The following AFG2A variants were observed in gnomAD, a reference collection of about 807,000 sequenced individuals.
AFG2A encodes the protein ATPase family gene 2 protein homolog A.
chr4:122,942,062 A>G, the AFG2A span, among the ~76,000 whole-genome samples: 2 of 151,804 alleles, frequency 1.3e-5, no homozygotes, highest in Non-Finnish European at 1.5e-5. Context: ...TTTTTGCATC[A>G]ATGTTCATCA....
At chr4:122,940,412 T>G in the AFG2A span, among the ~76,000 whole-genome samples, 2 of 152,380 alleles carry the variant, frequency 1.3e-5, no homozygotes, top group East Asian at 3.9e-4. Flanking sequence ...ATGTGTCTTT[T>G]GACTGCATAA....
At chr4:123,115,492 G>T in the AFG2A span, among the ~76,000 whole-genome samples, 5 of 152,062 alleles carry the variant, frequency 3.3e-5, no homozygotes, top group Non-Finnish European at 5.9e-5. Flanking sequence ...CCCACTGTGC[G>T]TTCAGGCCCA....
At chr4:123,314,180 C>G in the AFG2A span, 1 of 827,104 alleles carries the variant, frequency 1.2e-6, no homozygotes, top group Non-Finnish European at 1.7e-6. Context: ...GAAGTATGTT[C>G]AGTAGAATTT....
the AFG2A span, among the ~76,000 whole-genome samples, chr4:123,241,195 C>T: frequency 6.6e-6 from 1 of 152,314 alleles, no homozygotes; most frequent in Admixed American, 6.5e-5. Context: ...CCAAATTCTA[C>T]CATAGGTACA....
chr4:123,107,856 A>T, the AFG2A span, among the ~76,000 whole-genome samples: 1 of 152,180 alleles, frequency 6.6e-6, no homozygotes, highest in African/African-American at 2.4e-5. Flanking sequence ...TTGAGTTGTG[A>T]CAGCACCCAG....
chr4:122,932,433 T>G, the AFG2A span, among the ~76,000 whole-genome samples: 1 of 152,016 alleles, frequency 6.6e-6, no homozygotes, highest in Non-Finnish European at 1.5e-5. Flanking sequence ...GCTCAAGCGG[T>G]CCACCCACCT....
At chr4:123,066,308 G>A in the AFG2A span, among the ~76,000 whole-genome samples, 1 of 152,018 alleles carries the variant, frequency 6.6e-6, no homozygotes, top group African/African-American at 2.4e-5. Context: ...ATTTTTGTAG[G>A]CATCATTTCT....
chr4:122,986,485 A>G, the AFG2A span, among the ~76,000 whole-genome samples: 1 of 152,162 alleles, frequency 6.6e-6, no homozygotes, highest in African/African-American at 2.4e-5. Context: ...TTTTAAGTGA[A>G]GTAACTCAGG....
chr4:122,935,596 G>A, the AFG2A span: 1 of 1,222,786 alleles, frequency 8.2e-7, no homozygotes, highest in African/African-American at 1.5e-5. Flanking sequence ...AAAAACTCTT[G>A]ACTCTTTTTG....
the AFG2A span, among the ~76,000 whole-genome samples, chr4:123,159,017 G>A: frequency 6.6e-6 from 1 of 152,192 alleles, no homozygotes; most frequent in African/African-American, 2.4e-5. Flanking sequence ...ATTTTCAGAT[G>A]AGGTTAACAT....
the AFG2A span, among the ~76,000 whole-genome samples, chr4:123,220,043 G>C: frequency 6.6e-6 from 1 of 151,792 alleles, no homozygotes; most frequent in Non-Finnish European, 1.5e-5. Flanking sequence ...CTAATTTTTT[G>C]TATTTTTAGT....
the AFG2A span, among the ~76,000 whole-genome samples, chr4:123,292,602 G>A: frequency 1.8e-4 from 27 of 152,288 alleles, no homozygotes; most frequent in East Asian, 3.1e-3. Context: ...CTTAGGCTCT[G>A]AGTGCTTTCA....
the AFG2A span, chr4:122,936,284 T>G: frequency 2.1e-6 from 1 of 482,122 alleles, no homozygotes; most frequent in Non-Finnish European, 3.5e-6. Flanking sequence ...AGAAGTAGAT[T>G]ATAGATCTAA....
chr4:123,210,489 G>T, the AFG2A span, among the ~76,000 whole-genome samples: 1 of 151,976 alleles, frequency 6.6e-6, no homozygotes, highest in Non-Finnish European at 1.5e-5. Flanking sequence ...TGTCCTCCAG[G>T]GTCATCCATG....
At chr4:123,116,551 T>C in the AFG2A span, among the ~76,000 whole-genome samples, 2 of 152,202 alleles carry the variant, frequency 1.3e-5, no homozygotes, top group African/African-American at 4.8e-5. Context: ...TGAAACATTG[T>C]TAGCCCAAGT....
the AFG2A span, among the ~76,000 whole-genome samples, chr4:123,100,634 C>T: frequency 6.6e-6 from 1 of 151,856 alleles, no homozygotes; most frequent in Non-Finnish European, 1.5e-5. Context: ...CTTGCTTCTC[C>T]TAATGCATTC....
the AFG2A span, among the ~76,000 whole-genome samples, chr4:123,047,255 C>A: frequency 2.0e-5 from 3 of 152,152 alleles, no homozygotes; most frequent in African/African-American, 7.2e-5. Flanking sequence ...TCTTCTCCAG[C>A]ATTTCTTATT....
chr4:123,069,463 C>T, the AFG2A span, among the ~76,000 whole-genome samples: 1 of 152,034 alleles, frequency 6.6e-6, no homozygotes, highest in African/African-American at 2.4e-5. Flanking sequence ...TCTTCCCAAA[C>T]AAAAGCTGAG....
At chr4:123,257,802 A>G in the AFG2A span, among the ~76,000 whole-genome samples, 748 of 152,320 alleles carry the variant, frequency 4.9e-3, 7 homozygotes, top group African/African-American at 0.017. Flanking sequence ...AAACTAGAAG[A>G]GCAGTTAGCA....
Sources: gnomAD v4.1 joint callset for allele counts (sites outside exome capture counted in the v4.1 genomes callset) on GRCh38, gnomAD v4.1.1 for gene constraint, MANE v1.5 for transcripts, NCBI Gene and HGNC (gene_info 2026-07-23, HGNC 2026-07-21) for gene names.